LRP1B: variants seen among roughly 807,000 people sequenced by gnomAD.
LRP1B encodes the protein LDL receptor related protein 1B.
LRP1B carries 217 observed loss-of-function variants against 556.6 expected under a neutral mutation model. The observed-to-expected ratio is 0.39, with a 90% CI of 0.35 to 0.44. LRP1B has a LOEUF of 0.44. LRP1B is among the 20% of genes least tolerant of loss of function. The pLI is 1.00. For missense variants in LRP1B, 5,053 were observed against 5,620.8 expected, an observed-to-expected ratio of 0.90 and a Z score of 3.23; for synonymous variants, 2,047 against 1,865.8, an observed-to-expected ratio of 1.10 and a Z score of -2.50.
intron 3 of LRP1B, among the ~76,000 whole-genome samples, chr2:141,319,745 G>A (rs951274156): frequency 4.6e-5 from 7 of 152,000 alleles, no homozygotes; most frequent in Non-Finnish European, 8.8e-5. Flanking sequence ...GTATTGAATC[G>A]CAAGTTGCAG....
intron 6 of LRP1B, among the ~76,000 whole-genome samples, chr2:141,225,051 G>A (rs1261313531): frequency 6.6e-6 from 1 of 152,122 alleles, no homozygotes; most frequent in Non-Finnish European, 1.5e-5. Flanking sequence ...AGTAGCTCTA[G>A]TTAGAGGTTC....
intron 7 of LRP1B, among the ~76,000 whole-genome samples, chr2:141,148,926 A>G (rs938876660): frequency 3.9e-5 from 6 of 152,134 alleles, no homozygotes; most frequent in Non-Finnish European, 5.9e-5. Context: ...TCTACTAAAA[A>G]TACAAAAAAG....
At chr2:140,512,833 G>C (rs985737028) in intron 51 of LRP1B, among the ~76,000 whole-genome samples, 2 of 152,080 alleles carry the variant, frequency 1.3e-5, no homozygotes, top group Non-Finnish European at 2.9e-5. Context: ...CAAGTGAGAC[G>C]AATTATTTAT....
Position 141,663,410 on chromosome 2 carries a change from T to TAA in LRP1B, c.205+146867_205+146868dup, listed in dbSNP as rs61206349. On this transcript the variant is annotated intron_variant, in intron 2 of 90. Coordinates refer to ENST00000389484, the MANE Select transcript of LRP1B (RefSeq NM_018557.3). ...TCAATGAATCCAGGAGCTGGTTTTG[T>TAA]AAAAAAAAAAATTAACAAAATAGAC... Among the ~76,000 whole-genome samples, 714 of 148,164 alleles carry TAA rather than the reference T, an allele frequency of 4.8e-3. 4 individuals carry two copies. The highest frequency in any genetic ancestry group is 6.4e-3 in the Non-Finnish European group (429 of 66,926).
At chr2:141,494,578 G>A (rs6759197) in intron 2 of LRP1B, among the ~76,000 whole-genome samples, 69,640 of 151,050 alleles carry the variant, frequency 0.46, 16,247 homozygotes, top group Non-Finnish European at 0.48. Context: ...ATAGCACCTT[G>A]ATTTTCTTGT....
chr2:140,290,474 T>G (rs919626320), intron 84 of LRP1B, among the ~76,000 whole-genome samples: 3 of 152,094 alleles, frequency 2.0e-5, no homozygotes, highest in African/African-American at 7.2e-5. Flanking sequence ...TCCAAAATGC[T>G]GTGCTAGTCT....
rs540720356 is a variant in LRP1B at position 141,826,137 on chromosome 2, G to C, written c.83-15736C>G. On this transcript the variant is annotated intron_variant, in intron 1 of 90. Coordinates refer to ENST00000389484, the MANE Select transcript of LRP1B (RefSeq NM_018557.3). ...TGAAATTGACCACTTCTAGGTAATA[G>C]CTGCTATCGCATTTTCATATGTTCT... 4.0e-5 allele frequency among the ~76,000 whole-genome samples: 6 copies of C among 151,888 alleles called. No individual in the cohort carries two copies. In the South Asian group the frequency reaches 1.0e-3, roughly 26 times the overall value.
At chr2:141,106,155 T>C (rs530678195) in intron 7 of LRP1B, among the ~76,000 whole-genome samples, 124 of 152,348 alleles carry the variant, frequency 8.1e-4, no homozygotes, top group African/African-American at 3.0e-3. Flanking sequence ...CAGTCTCATA[T>C]GTGTAAAGCT....
chr2:141,450,736 G>T (rs1339984742), intron 3 of LRP1B, among the ~76,000 whole-genome samples: 2 of 151,962 alleles, frequency 1.3e-5, no homozygotes, highest in African/African-American at 4.8e-5. Flanking sequence ...AATTGATTTT[G>T]TGGGAGGCAG....
chr2:142,033,083 C>T (rs1328784407), intron 1 of LRP1B, among the ~76,000 whole-genome samples: 1 of 151,782 alleles, frequency 6.6e-6, no homozygotes, highest in Non-Finnish European at 1.5e-5. Context: ...ATAAGAATCT[C>T]TCAGACTCCC....
rs114939975 is a variant in LRP1B at position 140,531,576 on chromosome 2, C to T, written c.7762+2445G>A. ...ATACAGCTATGAAATAATTTGCACA[C>T]ATTCTGCCCTCTTCCTCAACTCTGC... is the stretch of plus-strand genomic sequence containing the variant. On this transcript the variant is annotated intron_variant, in intron 47 of 90. Coordinates refer to ENST00000389484, the MANE Select transcript of LRP1B (RefSeq NM_018557.3). Among the ~76,000 whole-genome samples, 1,038 of 152,252 alleles carry T rather than the reference C, an allele frequency of 6.8e-3. 12 individuals carry two copies. The highest frequency in any genetic ancestry group is 0.024 in the African/African-American group (979 of 41,562).
At chr2:140,669,976 G>A (rs898950686) in intron 41 of LRP1B, among the ~76,000 whole-genome samples, 1 of 151,898 alleles carries the variant, frequency 6.6e-6, no homozygotes, top group Non-Finnish European at 1.5e-5. Flanking sequence ...ATTATCCTTC[G>A]AAATAAAATA....
chr2:141,924,242 A>AT (rs1339615080), intron 1 of LRP1B, among the ~76,000 whole-genome samples: 2 of 151,878 alleles, frequency 1.3e-5, no homozygotes, highest in Non-Finnish European at 1.5e-5. Context: ...AAGAGAAGGT[A>AT]TGTCTGAACA....
chr2:141,570,506 A>G (rs1244414240), intron 2 of LRP1B, among the ~76,000 whole-genome samples: 1 of 151,380 alleles, frequency 6.6e-6, no homozygotes, highest in Non-Finnish European at 1.5e-5. Context: ...CTCAGCTGGA[A>G]TCTGCTTAAG....
At chr2:140,773,925 C>T (rs1377342100) in intron 33 of LRP1B, among the ~76,000 whole-genome samples, 1 of 151,818 alleles carries the variant, frequency 6.6e-6, no homozygotes, top group Non-Finnish European at 1.5e-5. Flanking sequence ...TAAATACTAG[C>T]TTGGCTTAAT....
intron 6 of LRP1B, among the ~76,000 whole-genome samples, chr2:141,221,131 C>T (rs1327855654): frequency 1.3e-5 from 2 of 152,144 alleles, no homozygotes; most frequent in East Asian, 3.9e-4. Context: ...AGAAAAGACC[C>T]ATTGATGTGC....
rs1390159878 is a variant in LRP1B at position 140,526,317 on chromosome 2, G to T, written c.7796C>A (p.Ala2599Glu). 6.2e-7 allele frequency: 1 copy of T among 1,611,806 alleles called. No individual in the cohort carries two copies. The highest frequency in any genetic ancestry group is 1.7e-5 in the Admixed American group (1 of 59,764). ...TGATCTTGGAATACAAGTCCCATCT[G>T]CACAGCGGAACTCAACCGTGGCACA... ...STCATVEFRC[A>E]DGTCIPRSAR... is the part of the protein sequence containing the mutation. The change falls in exon 48 of 91, where the codon GCA becomes GAA. Residue 2599 changes from alanine to glutamate, a missense_variant. Ala to Glu is a moderately radical substitution (Grantham distance 107, BLOSUM62 -1). Transcript: ENST00000389484.
intron 9 of LRP1B, 50 bp from the exon 10 acceptor site, chr2:141,055,309 A>G (rs1699149007): frequency 3.2e-6 from 5 of 1,576,302 alleles, no homozygotes; most frequent in Non-Finnish European, 4.3e-6. Flanking sequence ...CAAAGATAAG[A>G]TAACTATGTG....
chr2:140,378,061 A>G (rs764732064), intron 68 of LRP1B, 119 bp downstream of exon 68: 20 of 655,932 alleles, frequency 3.0e-5, no homozygotes, highest in African/African-American at 1.1e-4. Context: ...ACTTATCTCA[A>G]TGTGTCAGGA....
Sources: gnomAD v4.1 joint callset for allele counts (sites outside exome capture counted in the v4.1 genomes callset) on GRCh38, gnomAD v4.1.1 for gene constraint, MANE v1.5 for transcripts, NCBI Gene and HGNC (gene_info 2026-07-23, HGNC 2026-07-21) for gene names.